ST6GALNAC3: variants seen among roughly 807,000 people sequenced by gnomAD.
ST6GALNAC3 encodes the protein ST6 N-acetylgalactosaminide alpha-2,6-sialyltransferase 3.
In ST6GALNAC3, 25 loss-of-function variants were observed where a neutral mutation model predicts 32.7. The ratio of observed to expected loss-of-function variants is 0.76; its 90% confidence interval spans 0.56 to 1.07. ST6GALNAC3 has a LOEUF of 1.07. ST6GALNAC3 is among the 50% of genes least tolerant of loss of function. The pLI is 0.00. For missense variants in ST6GALNAC3, 355 were observed against 382.4 expected (o/e 0.93, Z 0.60); for synonymous variants, 129 against 133.1 (o/e 0.97, Z 0.21).
In ST6GALNAC3 at chr1:76,629,477, T is replaced by C; in HGVS notation, c.*671T>C. ...ATCAAAATGGGCCAAGTAGCAAATC[T>C]TGATGAATTTCCACTCTTACCATCC... is the stretch of plus-strand genomic sequence containing the variant. On this transcript the variant is annotated 3_prime_UTR_variant, in exon 5 of 5. Transcript: ENST00000328299. 1 of 985,592 alleles carries C rather than the reference T, an allele frequency of 1.0e-6. No homozygotes were observed. 61.1% of individuals were successfully genotyped at this position (985,592 alleles called of 1,614,324 possible).
intron 3 of ST6GALNAC3, among the ~76,000 whole-genome samples, chr1:76,479,335 A>G (rs2101650458): frequency 6.6e-6 from 1 of 152,326 alleles, no homozygotes; most frequent in African/African-American, 2.4e-5. Context: ...TCAGCCTGTA[A>G]AGATTCCCCT....
Position 76,142,903 on chromosome 1 carries a change from A to T in ST6GALNAC3, c.18+68019A>T, listed in dbSNP as rs1178350055. ...CACATTGGGTCAATTCACATGGAGG[A>T]TTAGATCTGGGCACACCGTATCTTT... On this transcript the variant is annotated intron_variant, in intron 1 of 4. Transcript: ENST00000328299. The T allele has an allele frequency of 6.6e-6, 3 of 455,050 alleles. No homozygotes were observed. The Admixed American group carries it at 7.1e-5, about 11-fold the overall frequency. The allele number at this position is 455,050 out of a possible 1,614,324, so 28.2% of individuals were successfully genotyped here.
intron 1 of ST6GALNAC3, among the ~76,000 whole-genome samples, chr1:76,159,479 C>T (rs191275099): frequency 3.3e-5 from 5 of 152,336 alleles, no homozygotes; most frequent in South Asian, 4.1e-4. Context: ...CCACCGCACC[C>T]GGTCTGGGCC....
intron 1 of ST6GALNAC3, among the ~76,000 whole-genome samples, chr1:76,301,963 TG>T (rs1660752684): frequency 6.6e-6 from 1 of 152,012 alleles, no homozygotes; most frequent in Admixed American, 6.6e-5. Context: ...TATGGACTTC[TG>T]GTTATGCCTC....
intron 1 of ST6GALNAC3, among the ~76,000 whole-genome samples, chr1:76,277,605 TATATATACACACAC>T (rs145827925): frequency 5.8e-5 from 3 of 51,386 alleles, no homozygotes; most frequent in African/African-American, 5.5e-4. Flanking sequence ...TATATATATA[TATATATACACACAC>T]ACACACACAC....
At chr1:76,427,953 A>G (rs904936379) in intron 3 of ST6GALNAC3, among the ~76,000 whole-genome samples, 7 of 152,144 alleles carry the variant, frequency 4.6e-5, no homozygotes, top group Non-Finnish European at 8.8e-5. Flanking sequence ...CTCTAAGTCC[A>G]CCAAATAGTC....
intron 1 of ST6GALNAC3, among the ~76,000 whole-genome samples, chr1:76,081,742 C>T (rs1646899270): frequency 6.6e-6 from 1 of 152,080 alleles, no homozygotes; most frequent in South Asian, 2.1e-4. Flanking sequence ...TTACCCTGAA[C>T]GCAAGCTTCA....
At chr1:76,211,668 A>G (rs1655170096) in intron 1 of ST6GALNAC3, among the ~76,000 whole-genome samples, 1 of 152,156 alleles carries the variant, frequency 6.6e-6, no homozygotes, top group Admixed American at 6.5e-5. Flanking sequence ...CATCATCCTC[A>G]GCAAACTATC....
chr1:76,493,494 A>G (rs1260849695), intron 3 of ST6GALNAC3, among the ~76,000 whole-genome samples: 1 of 152,216 alleles, frequency 6.6e-6, no homozygotes, highest in Admixed American at 6.5e-5. Context: ...GTGATCTCAA[A>G]GTACTGATTC....
intron 3 of ST6GALNAC3, among the ~76,000 whole-genome samples, chr1:76,560,413 A>G (rs560721632): frequency 1.4e-4 from 21 of 152,222 alleles, no homozygotes; most frequent in Non-Finnish European, 2.6e-4. Flanking sequence ...GAATGGGAGA[A>G]AATACTTGCA....
At chr1:76,478,894 C>T (rs183519307) in intron 3 of ST6GALNAC3, among the ~76,000 whole-genome samples, 1 of 151,046 alleles carries the variant, frequency 6.6e-6, no homozygotes, top group African/African-American at 2.4e-5. Context: ...TCCTGAGTAG[C>T]TGGGACCACA....
At chr1:76,602,417 C>G (rs759037087) in intron 3 of ST6GALNAC3, among the ~76,000 whole-genome samples, 2 of 151,842 alleles carry the variant, frequency 1.3e-5, no homozygotes, top group Admixed American at 1.3e-4. Context: ...GTGGATCAGT[C>G]TAAGGAGGGA....
chr1:76,475,695 ATTATT>A (rs1001724259), intron 3 of ST6GALNAC3, among the ~76,000 whole-genome samples: 1 of 152,122 alleles, frequency 6.6e-6, no homozygotes, highest in African/African-American at 2.4e-5. Flanking sequence ...ATTTTTAAAA[ATTATT>A]TTATTTATTT....
chr1:76,350,380 A>G (rs1648875477), intron 2 of ST6GALNAC3, among the ~76,000 whole-genome samples: 1 of 152,136 alleles, frequency 6.6e-6, no homozygotes, highest in Non-Finnish European at 1.5e-5. Context: ...TCATGCTTTT[A>G]TCTCCCTCAC....
intron 2 of ST6GALNAC3, 120 bp from the exon 3 acceptor site, chr1:76,411,888 A>T: frequency 9.3e-7 from 1 of 1,072,458 alleles, no homozygotes; most frequent in African/African-American, 1.6e-5. Context: ...ATTTGTAGGT[A>T]CTTCAGAGAT....
At chr1:76,177,808 C>T (rs1207617486) in intron 1 of ST6GALNAC3, among the ~76,000 whole-genome samples, 3 of 152,216 alleles carry the variant, frequency 2.0e-5, no homozygotes, top group African/African-American at 7.2e-5. Context: ...TTGGCATCTC[C>T]TAACGGGCTT....
chr1:76,286,068 C>A lies in ST6GALNAC3; in HGVS notation c.19-27737C>A, dbSNP rs569296165. On this transcript the variant is annotated intron_variant, in intron 1 of 4. Transcript: ENST00000328299. ...GGAACATTCTACTGGAAGGAGGCAG[C>A]CATCAGCTTGGTCTTACTTGTTTCA... Among the ~76,000 whole-genome samples the A allele has an allele frequency of 6.6e-5, 10 of 152,224 alleles. No individual in the cohort carries two copies. The East Asian group carries it at 1.9e-3, about 29-fold the overall frequency.
At chr1:76,522,644 G>A (rs1662619381) in intron 3 of ST6GALNAC3, among the ~76,000 whole-genome samples, 1 of 152,024 alleles carries the variant, frequency 6.6e-6, no homozygotes. Context: ...TAGATTCTAT[G>A]GTGGCTTTAT....
intron 1 of ST6GALNAC3, among the ~76,000 whole-genome samples, chr1:76,193,848 A>G (rs1242788715): frequency 1.3e-5 from 2 of 152,146 alleles, no homozygotes; most frequent in East Asian, 1.9e-4. Flanking sequence ...CCTCCTTCTT[A>G]CTGTATCCTC....
Sources: allele counts gnomAD v4.1 joint callset (sites outside exome capture counted in the v4.1 genomes callset), GRCh38; gene constraint gnomAD v4.1.1; transcripts MANE v1.5; gene names NCBI Gene and HGNC (gene_info 2026-07-23, HGNC 2026-07-21).